DHRSX: variants seen among roughly 807,000 people sequenced by gnomAD.
DHRSX encodes the protein dehydrogenase/reductase X-linked.
Under a neutral mutation model 34.0 loss-of-function variants are expected in DHRSX, and 31 were observed. The observed-to-expected ratio is 0.91, with a 90% confidence interval of 0.69 to 1.23. The LOEUF is 1.23. Among genes scored for constraint, DHRSX ranks in the 50% most tolerant of loss-of-function variants. The pLI, the probability that DHRSX is intolerant of heterozygous loss-of-function variation, is 0.00. For synonymous variants in DHRSX, 201 were observed against 183.8 expected, an observed-to-expected ratio of 1.09 and a Z score of -0.76; for missense variants, 414 against 428.1, an observed-to-expected ratio of 0.97 and a Z score of 0.29.
chrX:2,236,704 T>A (rs1331649075), intron 6 of DHRSX, among the ~76,000 whole-genome samples: 1 of 152,060 alleles, frequency 6.6e-6, no homozygotes, highest in African/African-American at 2.4e-5. Context: ...AGTGCTGGGA[T>A]GACAGGTGTG....
intron 1 of DHRSX, chrX:2,486,555 T>C (rs779762493): frequency 6.6e-6 from 1 of 152,310 alleles, no homozygotes; most frequent in East Asian, 1.9e-4. Context: ...ACAGTTCACA[T>C]TTCCACGTGA....
rs184413987 is a variant in DHRSX at position 2,363,892 on chromosome X, C to T, written c.286+44853G>A. 2.6e-3 allele frequency among the ~76,000 whole-genome samples: 392 copies of T among 152,216 alleles called. 1 individual carries two copies. Among genetic ancestry groups the T allele is most frequent in the African/African-American group, 8.6e-3 (358 of 41,532 alleles). ...GATGGAGCTGTGGGAGAAGAATCCC[C>T]GCCACAAAACCGGCCCAGGATCCTG... On this transcript the variant is annotated intron_variant, in intron 3 of 6. Transcript: ENST00000334651.
At chrX:2,323,076 C>T (rs900141778) in intron 3 of DHRSX, among the ~76,000 whole-genome samples, 18 of 105,584 alleles carry the variant, frequency 1.7e-4, no homozygotes, top group African/African-American at 6.5e-4. Context: ...GGCGCCACAC[C>T]CAGCTAATTT....
At chrX:2,293,253 G>GTTT (rs778290231) in intron 3 of DHRSX, among the ~76,000 whole-genome samples, 5,121 of 138,896 alleles carry the variant, frequency 0.037, 324 homozygotes, top group African/African-American at 0.13. Flanking sequence ...TGTTAAAGCT[G>GTTT]TTTTTTTTTT....
At chrX:2,224,231 CCT>C (rs34958464) in intron 6 of DHRSX, among the ~76,000 whole-genome samples, 4,153 of 138,858 alleles carry the variant, frequency 0.03, 136 homozygotes, top group African/African-American at 0.095. Flanking sequence ...CGGAGAGGCC[CCT>C]GTGTTCTGCA....
intron 1 of DHRSX, among the ~76,000 whole-genome samples, chrX:2,447,241 C>T (rs1042065941): frequency 6.6e-6 from 1 of 151,540 alleles, no homozygotes; most frequent in Non-Finnish European, 1.5e-5. Flanking sequence ...GGCCAAGGAA[C>T]ACCACTGAAG....
chrX:2,464,624 G>A (rs1195663540), intron 1 of DHRSX, among the ~76,000 whole-genome samples: 1 of 151,416 alleles, frequency 6.6e-6, no homozygotes, highest in African/African-American at 2.4e-5. Context: ...CACTGAAGAT[G>A]TTCCCTAAGT....
chrX:2,432,397 A>C (rs1469392070), intron 1 of DHRSX, among the ~76,000 whole-genome samples: 1 of 152,162 alleles, frequency 6.6e-6, no homozygotes, highest in Non-Finnish European at 1.5e-5. Flanking sequence ...AAGAATTCCA[A>C]ATGAGGCGGC....
chrX:2,453,934 G>A (rs1441004238), intron 1 of DHRSX, among the ~76,000 whole-genome samples: 1 of 152,100 alleles, frequency 6.6e-6, no homozygotes, highest in African/African-American at 2.4e-5. Flanking sequence ...ATTTTAATAT[G>A]TTAATTAACT....
Position 2,351,069 on chromosome X carries a change from G to A in DHRSX, c.286+57676C>T, listed in dbSNP as rs187353185. The stretch of plus-strand genomic sequence containing the variant: ...CACAGGGAAGGGAACATCACACACC[G>A]GGGCCTGTCAGGGAGCTGGGGGCAA... On this transcript the variant is annotated intron_variant, in intron 3 of 6. Transcript: ENST00000334651. Among the ~76,000 whole-genome samples the A allele has an allele frequency of 5.9e-4, 89 of 152,128 alleles. 1 individual carries two copies. The highest frequency in any genetic ancestry group is 1.9e-3 in the African/African-American group (79 of 41,492).
intron 3 of DHRSX, among the ~76,000 whole-genome samples, chrX:2,387,922 A>AC (rs1364868783): frequency 1.3e-5 from 2 of 151,052 alleles, no homozygotes; most frequent in African/African-American, 2.4e-5. Context: ...AAAAAAAAAA[A>AC]AACGGGATTC....
chrX:2,446,954 G>A (rs907231270), intron 1 of DHRSX, among the ~76,000 whole-genome samples: 17 of 151,664 alleles, frequency 1.1e-4, no homozygotes, highest in Admixed American at 3.3e-4. Context: ...AGCCATGTAC[G>A]CACTAAAGAC....
At chrX:2,337,165 C>A (rs141683233) in intron 3 of DHRSX, among the ~76,000 whole-genome samples, 21 of 152,216 alleles carry the variant, frequency 1.4e-4, no homozygotes, top group Non-Finnish European at 2.9e-4. Flanking sequence ...TAATGACATG[C>A]CCAAGTCCTA....
At chrX:2,287,347 A>C (rs1230703776) in intron 4 of DHRSX, among the ~76,000 whole-genome samples, 2 of 151,876 alleles carry the variant, frequency 1.3e-5, no homozygotes, top group African/African-American at 4.8e-5. Flanking sequence ...TAATGGCCCC[A>C]AAAATGTCCA....
intron 4 of DHRSX, among the ~76,000 whole-genome samples, chrX:2,286,005 A>C (rs1480993735): frequency 6.6e-6 from 1 of 152,142 alleles, no homozygotes; most frequent in Non-Finnish European, 1.5e-5. Context: ...ACAAATGAGA[A>C]AAATCCTTTA....
intron 2 of DHRSX, among the ~76,000 whole-genome samples, chrX:2,418,367 T>C (rs2043722950): frequency 6.6e-6 from 1 of 151,750 alleles, no homozygotes; most frequent in Non-Finnish European, 1.5e-5. Context: ...CTCAGCATGA[T>C]CTAACTCAAC....
chrX:2,221,836 C>T (rs182186241), intron 6 of DHRSX, among the ~76,000 whole-genome samples: 12 of 152,200 alleles, frequency 7.9e-5, no homozygotes, highest in Admixed American at 3.3e-4. Flanking sequence ...TGGTTTTCTG[C>T]AGTGGGAGTT....
At chrX:2,246,116 T>A (rs2016275996) in intron 5 of DHRSX, among the ~76,000 whole-genome samples, 2 of 152,172 alleles carry the variant, frequency 1.3e-5, no homozygotes, top group South Asian at 4.1e-4. Flanking sequence ...GAGACCTGTC[T>A]CAAATTTTCA....
chrX:2,320,467 T>A (rs1403028400), intron 3 of DHRSX, among the ~76,000 whole-genome samples: 1 of 146,250 alleles, frequency 6.8e-6, no homozygotes, highest in Admixed American at 7.0e-5. Context: ...GCTAACTTTT[T>A]GTATTTTTAG....
Sources: allele counts gnomAD v4.1 joint callset (sites outside exome capture counted in the v4.1 genomes callset), GRCh38; gene constraint gnomAD v4.1.1; transcripts MANE v1.5; gene names NCBI Gene and HGNC (gene_info 2026-07-23, HGNC 2026-07-21).